BLNK: variants seen among roughly 807,000 people sequenced by gnomAD.
BLNK encodes the protein B-cell linker protein.
Under a neutral mutation model 73.5 loss-of-function variants are expected in BLNK, and 29 were observed. The ratio of observed to expected loss-of-function variants is 0.39; its 90% CI spans 0.29 to 0.54. BLNK has a LOEUF of 0.54. Ranked by LOEUF, BLNK falls within the 20% of genes least tolerant of loss-of-function variation. The probability of loss-of-function intolerance (pLI) is 0.61; values close to 1 mark genes in which losing one functional copy is unlikely to be tolerated. For synonymous variants in BLNK, 176 were observed against 200.8 expected, an observed-to-expected ratio of 0.88 and a Z score of 1.04; for missense variants, 460 against 562.8, an observed-to-expected ratio of 0.82 and a Z score of 1.85.
chr10:96,204,641 A>G (rs782139837), intron 11 of BLNK, 25 bp from the exon 12 acceptor site: 8 of 1,610,462 alleles, frequency 5.0e-6, no homozygotes, highest in Non-Finnish European at 6.8e-6. Flanking sequence ...TTATCATATT[A>G]GGATTAGAGT....
At chr10:96,244,993 T>C (rs757812935) in intron 2 of BLNK, among the ~76,000 whole-genome samples, 3 of 152,086 alleles carry the variant, frequency 2.0e-5, no homozygotes, top group Non-Finnish European at 4.4e-5. Context: ...TTGCTAGTGA[T>C]TGTAACAAGG....
chr10:96,199,835 C>A (rs2083581462), intron 15 of BLNK: 1 of 247,288 alleles, frequency 4.0e-6, no homozygotes, highest in African/African-American at 2.3e-5. Context: ...AGCAGCCTGG[C>A]CAACATGGTA....
At chr10:96,243,026 T>G (rs1842928664) in intron 2 of BLNK, among the ~76,000 whole-genome samples, 1 of 152,126 alleles carries the variant, frequency 6.6e-6, no homozygotes, top group African/African-American at 2.4e-5. Context: ...AAAGGTGAAG[T>G]CAGGTGGAGA....
rs75049985 is a variant in BLNK, at chr10:96,222,197, C to A, written c.525+1629G>T. ...AGACTCATAGAAGTTGTCTAGCTTG[C>A]CCCAAATCATACACCTAGAAGGGCC... On this transcript the variant is annotated intron_variant, in intron 6 of 16. Transcript: ENST00000224337. 2.1e-3 allele frequency among the ~76,000 whole-genome samples: 315 copies of A among 152,302 alleles called. 1 individual carries two copies. Among genetic ancestry groups the A allele is most frequent in the Admixed American group, 5.6e-3 (85 of 15,298 alleles).
chr10:96,197,691 G>A (rs1161894242), intron 15 of BLNK, among the ~76,000 whole-genome samples: 1 of 152,006 alleles, frequency 6.6e-6, no homozygotes, highest in East Asian at 1.9e-4. Flanking sequence ...ATTTGCCCCT[G>A]GACTAAAATC....
chr10:96,242,832 TG>T, intron 2 of BLNK, 48 bp from the exon 3 acceptor site: 1 of 1,502,648 alleles, frequency 6.7e-7, no homozygotes, highest in South Asian at 1.1e-5. Flanking sequence ...AGAACAATGA[TG>T]GTCAAAGCCG....
chr10:96,234,926 G>T (rs1842643558), intron 3 of BLNK, among the ~76,000 whole-genome samples: 1 of 152,206 alleles, frequency 6.6e-6, no homozygotes, highest in African/African-American at 2.4e-5. Flanking sequence ...TCCTGGGCGG[G>T]CCCTCTTGTC....
chr10:96,271,063 G>A (rs1844248187), intron 1 of BLNK, among the ~76,000 whole-genome samples: 1 of 152,194 alleles, frequency 6.6e-6, no homozygotes, highest in African/African-American at 2.4e-5. Flanking sequence ...TAGAATCTAA[G>A]CCCTTGGCAT....
At chr10:96,196,601 A>T (rs1301143734) in intron 16 of BLNK, among the ~76,000 whole-genome samples, 4 of 152,166 alleles carry the variant, frequency 2.6e-5, no homozygotes, top group African/African-American at 9.7e-5. Context: ...TACAACCTTA[A>T]TTCAACTTGA....
At chr10:96,204,970 TACTTGCCATGTGGCCTCC>T (rs1433609062) in intron 11 of BLNK, 18 of 317,166 alleles carry the variant, frequency 5.7e-5, no homozygotes, top group Non-Finnish European at 8.1e-5. Context: ...ACTCACCCTC[TACTTGCCATGTGGCCTCC>T]ACACAGGTGG....
Position 96,230,826 on chromosome 10 carries a change from C to G in BLNK, c.172G>C (p.Ala58Pro). The change falls in exon 4 of 17, where the codon GCT (alanine) becomes CCT (proline). Residue 58 changes from alanine to proline, a missense_variant. Ala to Pro is a conservative substitution (Grantham distance 27). Transcript: ENST00000224337. ...TCGGACCACTGCTCCTCTTCGTCAG[C>G]AGGGCTCTCTGCAACAGCAGGGGAG... Reference protein sequence around the residue: ...PRRDYASESPADEEEQWSDDF... With the variant: ...PRRDYASESPPDEEEQWSDDF... The G allele has an allele frequency of 6.2e-7, 1 of 1,611,458 alleles. No individual in the cohort carries two copies. Among genetic ancestry groups the G allele is most frequent in the Non-Finnish European group, 8.5e-7 (1 of 1,178,968 alleles).
intron 2 of BLNK, 132 bp downstream of exon 2, chr10:96,246,852 A>C: frequency 1.6e-6 from 1 of 644,636 alleles, no homozygotes; most frequent in Admixed American, 2.8e-5. Context: ...GATTCCAGCC[A>C]ATAGTAAAGA....
intron 1 of BLNK, among the ~76,000 whole-genome samples, chr10:96,256,031 C>G (rs1554911018): frequency 6.6e-6 from 1 of 152,060 alleles, no homozygotes. Flanking sequence ...TGAACACTGC[C>G]AATAAGAAAA....
intron 13 of BLNK, among the ~76,000 whole-genome samples, chr10:96,202,900 C>T (rs1554896580): frequency 2.0e-5 from 3 of 152,190 alleles, no homozygotes; most frequent in African/African-American, 7.2e-5. Flanking sequence ...AGCTATTATG[C>T]CCATTTTATA....
chr10:96,263,327 G>A (rs1291775534), intron 1 of BLNK, among the ~76,000 whole-genome samples: 2 of 152,218 alleles, frequency 1.3e-5, no homozygotes, highest in Non-Finnish European at 2.9e-5. Flanking sequence ...AAGGGAATCT[G>A]GAGTAGGTCT....
At chr10:96,263,695 C>G (rs782703315) in intron 1 of BLNK, among the ~76,000 whole-genome samples, 3 of 152,126 alleles carry the variant, frequency 2.0e-5, no homozygotes, top group Non-Finnish European at 2.9e-5. Flanking sequence ...GGGCTCTTTT[C>G]TTTTTGGAAC....
chr10:96,254,897 T>C (rs1443650304), intron 1 of BLNK, among the ~76,000 whole-genome samples: 2 of 152,158 alleles, frequency 1.3e-5, no homozygotes, highest in African/African-American at 2.4e-5. Flanking sequence ...AAAAGGTAGG[T>C]TAAAGAAATC....
At chr10:96,231,422 G>T (rs1425522031) in intron 3 of BLNK, among the ~76,000 whole-genome samples, 1 of 152,154 alleles carries the variant, frequency 6.6e-6, no homozygotes, top group African/African-American at 2.4e-5. Context: ...TCTCAAAGAC[G>T]CTGTGAGGGG....
intron 1 of BLNK, among the ~76,000 whole-genome samples, chr10:96,268,534 C>G (rs1844117794): frequency 6.6e-6 from 1 of 152,150 alleles, no homozygotes; most frequent in Non-Finnish European, 1.5e-5. Context: ...AATCTGTGCT[C>G]ACACCTCTCT....
Sources: gnomAD v4.1 joint callset for allele counts (sites outside exome capture counted in the v4.1 genomes callset) on GRCh38, gnomAD v4.1.1 for gene constraint, MANE v1.5 for transcripts, NCBI Gene and HGNC (gene_info 2026-07-23, HGNC 2026-07-21) for gene names.